CTNNA2: variants seen among roughly 807,000 people sequenced by gnomAD.
The protein encoded by CTNNA2 is catenin alpha 2.
CTNNA2 carries 42 observed loss-of-function variants against 101.0 expected under a neutral mutation model. The observed-to-expected ratio is 0.42, with a 90% CI of 0.32 to 0.54. CTNNA2 has a LOEUF of 0.54. CTNNA2 is among the 20% of genes least tolerant of loss of function. The pLI is 0.14. For synonymous variants in CTNNA2, 450 were observed against 456.4 expected, an observed-to-expected ratio of 0.99 and a Z score of 0.18; for missense variants, 871 against 1,223.1, an observed-to-expected ratio of 0.71 and a Z score of 4.29.
chr2:79,693,272 A>G (rs1478985232), intron 2 of CTNNA2, among the ~76,000 whole-genome samples: 1 of 151,392 alleles, frequency 6.6e-6, no homozygotes, highest in African/African-American at 2.4e-5. Context: ...TGGATGAGGC[A>G]TTCTTTTAAG....
chr2:79,805,680 GTAATCCC>G (rs1676516948), intron 3 of CTNNA2, among the ~76,000 whole-genome samples: 1 of 152,162 alleles, frequency 6.6e-6, no homozygotes, highest in Non-Finnish European at 1.5e-5. Flanking sequence ...GCTCATGCCT[GTAATCCC>G]AGCACTTTGG....
intron 7 of CTNNA2, among the ~76,000 whole-genome samples, chr2:80,133,582 A>G (rs1329019770): frequency 6.6e-6 from 1 of 152,202 alleles, no homozygotes; most frequent in Non-Finnish European, 1.5e-5. Context: ...CTACAATGGG[A>G]CAGAAAAGTC....
chr2:79,740,973 T>C (rs1671250022), intron 2 of CTNNA2, among the ~76,000 whole-genome samples: 1 of 152,046 alleles, frequency 6.6e-6, no homozygotes. Flanking sequence ...TAAAAGCCTG[T>C]AACATGATGG....
At chr2:80,229,059 G>A (rs111962427) in intron 7 of CTNNA2, among the ~76,000 whole-genome samples, 2,692 of 152,136 alleles carry the variant, frequency 0.018, 82 homozygotes, top group African/African-American at 0.06. Context: ...TCTCCCTTTC[G>A]TAAACAAATA....
intron 1 of CTNNA2, among the ~76,000 whole-genome samples, chr2:79,568,940 G>A (rs570739000): frequency 4.6e-5 from 7 of 151,144 alleles, no homozygotes; most frequent in Admixed American, 1.3e-4. Flanking sequence ...AGGCTGATAC[G>A]GGAGGATTGC....
At chr2:79,672,520 A>T (rs1398418816) in intron 2 of CTNNA2, among the ~76,000 whole-genome samples, 1 of 152,182 alleles carries the variant, frequency 6.6e-6, no homozygotes, top group Non-Finnish European at 1.5e-5. Context: ...CTTTAAAAAA[A>T]GTCAACAAGT....
chr2:79,884,778 AAATTGT>A lies in CTNNA2; in HGVS notation c.852+10441_852+10446del, dbSNP rs567707101. Among the ~76,000 whole-genome samples the A allele has an allele frequency of 5.8e-3, 800 of 138,698 alleles. 5 individuals carry two copies. Among genetic ancestry groups the A allele is most frequent in the African/African-American group, 0.02 (750 of 37,262 alleles). 91.0% of individuals were successfully genotyped at this position (138,698 alleles called of 152,430 possible). On this transcript the variant is annotated intron_variant, in intron 6 of 18. Coordinates refer to ENST00000402739, the MANE Select transcript of CTNNA2 (RefSeq NM_001282597.3). ...TTTTTTTTTTTTTCTGTTCTTGGTC[AAATTGT>A]AATTCTCTTTCCGATCTGGTATTCA...
At chr2:80,054,479 T>C (rs1697088465) in intron 7 of CTNNA2, among the ~76,000 whole-genome samples, 2 of 152,164 alleles carry the variant, frequency 1.3e-5, no homozygotes. Context: ...GCCTTTGGCA[T>C]TATTTCTTGG....
At chr2:79,219,563 G>T (rs921674654) in intron 2 of CTNNA2, among the ~76,000 whole-genome samples, 1 of 152,098 alleles carries the variant, frequency 6.6e-6, no homozygotes, top group African/African-American at 2.4e-5. Context: ...CTGCTTGTAC[G>T]CAGGAATACC....
At chr2:79,230,010 T>G (rs1290052928) in intron 2 of CTNNA2, among the ~76,000 whole-genome samples, 3 of 152,230 alleles carry the variant, frequency 2.0e-5, no homozygotes, top group Admixed American at 2.0e-4. Context: ...TGGGTGCTGT[T>G]AAAGCCATTC....
intron 2 of CTNNA2, chr2:79,687,464 C>A (rs118133156): frequency 0.011 from 5,440 of 477,348 alleles, 204 homozygotes; most frequent in East Asian, 0.11. Flanking sequence ...TTTGTACCTT[C>A]AGATAATTTT....
At chr2:80,024,739 G>A (rs139372835) in intron 7 of CTNNA2, among the ~76,000 whole-genome samples, 2 of 152,272 alleles carry the variant, frequency 1.3e-5, no homozygotes, top group Non-Finnish European at 2.9e-5. Context: ...TGGAGCCCCA[G>A]AGGGTGTATG....
chr2:79,348,052 CT>C (rs1169372710), intron 3 of CTNNA2, among the ~76,000 whole-genome samples: 1 of 152,058 alleles, frequency 6.6e-6, no homozygotes, highest in Non-Finnish European at 1.5e-5. Context: ...GTATAGGTGG[CT>C]CAGAATATGG....
intron 7 of CTNNA2, among the ~76,000 whole-genome samples, chr2:79,965,827 C>CAAAAAAAAAAAAAAAAAAAAAAAAAGAA (rs10686940): frequency 1.3e-5 from 1 of 77,998 alleles, no homozygotes; most frequent in African/African-American, 5.3e-5. Context: ...GAGACTATGT[C>CAAAAAAAAAAAAAAAAAAAAAAAAAGAA]AAAAAAAAAA....
At chr2:79,929,181 C>A (rs4402790) in intron 7 of CTNNA2, among the ~76,000 whole-genome samples, 1,759 of 152,180 alleles carry the variant, frequency 0.012, 34 homozygotes, top group African/African-American at 0.04. Flanking sequence ...CTGAATATAT[C>A]ATTTCATCCA....
intron 7 of CTNNA2, among the ~76,000 whole-genome samples, chr2:80,038,587 G>T (rs138232130): frequency 0.019 from 2,936 of 152,240 alleles, 68 homozygotes; most frequent in African/African-American, 0.054. Flanking sequence ...CAGGCACGGT[G>T]GCGGGCACCT....
chr2:79,270,742 G>T (rs897585207), intron 2 of CTNNA2, among the ~76,000 whole-genome samples: 6 of 152,090 alleles, frequency 3.9e-5, no homozygotes, highest in Admixed American at 1.3e-4. Context: ...TTTTAGTTAA[G>T]TATTAATTTC....
chr2:80,580,389 T>C (rs901227567), intron 13 of CTNNA2, among the ~76,000 whole-genome samples: 5 of 152,166 alleles, frequency 3.3e-5, no homozygotes, highest in Admixed American at 2.0e-4. Flanking sequence ...TTTTAAGCAA[T>C]TTTATAACTT....
chr2:79,605,806 A>G (rs755418493), intron 1 of CTNNA2, among the ~76,000 whole-genome samples: 1 of 152,104 alleles, frequency 6.6e-6, no homozygotes, highest in Non-Finnish European at 1.5e-5. Context: ...CTGTACTCTG[A>G]GCTGCTCAGA....
Sources: gnomAD v4.1 joint callset for allele counts (sites outside exome capture counted in the v4.1 genomes callset) on GRCh38, gnomAD v4.1.1 for gene constraint, MANE v1.5 for transcripts, NCBI Gene and HGNC (gene_info 2026-07-23, HGNC 2026-07-21) for gene names.